EFR3A: variants seen among roughly 807,000 people sequenced by gnomAD.
The protein encoded by EFR3A is protein EFR3 homolog A.
In EFR3A, 76 loss-of-function variants were observed where a neutral mutation model predicts 104.4. The observed-to-expected ratio is 0.73, with a 90% CI of 0.60 to 0.88. EFR3A has a LOEUF of 0.88. Ranked by LOEUF, EFR3A falls within the 40% of genes least tolerant of loss-of-function variation. The pLI, the probability that EFR3A is intolerant of heterozygous loss-of-function variation, is 0.00. For synonymous variants in EFR3A, 330 were observed against 330.0 expected, an observed-to-expected ratio of 1.00 and a Z score of 0.00; for missense variants, 985 against 1,012.5, an observed-to-expected ratio of 0.97 and a Z score of 0.37.
chr8:131,968,519 A>G, intron 9 of EFR3A, 89 bp downstream of exon 9: 1 of 1,278,252 alleles, frequency 7.8e-7, no homozygotes, highest in Non-Finnish European at 1.0e-6. Context: ...AGAACTCTTT[A>G]AGAATATTTC....
At chr8:131,918,973 G>A (rs1005210382) in intron 1 of EFR3A, among the ~76,000 whole-genome samples, 3 of 152,182 alleles carry the variant, frequency 2.0e-5, no homozygotes, top group Non-Finnish European at 4.4e-5. Flanking sequence ...GTCATTGCCT[G>A]TGATAGATTC....
intron 1 of EFR3A, among the ~76,000 whole-genome samples, chr8:131,930,994 C>A (rs781070307): frequency 2.0e-5 from 3 of 152,098 alleles, no homozygotes; most frequent in African/African-American, 7.2e-5. Flanking sequence ...ATGCTAAATT[C>A]TCTACATCAT....
chr8:131,913,306 C>T (rs1816602921), intron 1 of EFR3A, among the ~76,000 whole-genome samples: 4 of 151,990 alleles, frequency 2.6e-5, no homozygotes, highest in South Asian at 4.2e-4. Context: ...TGAGGCAGCT[C>T]TCAAGTATAT....
chr8:131,968,215 A>G, intron 8 of EFR3A, 80 bp from the exon 9 acceptor site: 1 of 1,364,240 alleles, frequency 7.3e-7, no homozygotes. Context: ...TTTACGTGTC[A>G]GGTGTTTTTT....
At chr8:131,940,415 C>A in intron 1 of EFR3A, 84 bp from the exon 2 acceptor site, 1 of 1,253,616 alleles carries the variant, frequency 8.0e-7, no homozygotes, top group Non-Finnish European at 1.1e-6. Flanking sequence ...TTATATAGCC[C>A]ATTAATATTC....
intron 18 of EFR3A, among the ~76,000 whole-genome samples, chr8:131,991,200 C>T (rs1026741052): frequency 3.3e-5 from 5 of 152,224 alleles, no homozygotes; most frequent in Middle Eastern, 3.4e-3. Context: ...CCGATCAGAT[C>T]TCATGAGACT....
rs1158446261 is a variant in EFR3A at position 132,012,901 on chromosome 8, C to G, written c.*2006C>G. On this transcript the variant is annotated 3_prime_UTR_variant, in exon 23 of 23. Transcript: ENST00000254624. ...CCATTACAATTAATGTTTATCACAC[C>G]TTTATCTTGGTCTTTGTTGATTTGG... 1 of 152,030 alleles carries G rather than the reference C, an allele frequency of 6.6e-6. No homozygotes were observed. Among genetic ancestry groups the G allele is most frequent in the East Asian group, 1.9e-4 (1 of 5,196 alleles). The allele number at this position is 152,030 out of a possible 1,614,324, so 9.4% of individuals were successfully genotyped here.
intron 2 of EFR3A, 132 bp downstream of exon 2, chr8:131,940,707 A>G: frequency 1.5e-6 from 2 of 1,370,960 alleles, no homozygotes; most frequent in African/African-American, 1.5e-5. Flanking sequence ...TACTTTTTTT[A>G]TACTTTTCTT....
intron 3 of EFR3A, 94 bp downstream of exon 3, chr8:131,944,966 C>T (rs936951171): frequency 7.5e-7 from 1 of 1,333,834 alleles, no homozygotes; most frequent in South Asian, 1.4e-5. Flanking sequence ...TTTAGTGAGA[C>T]AAAGATAATA....
At position 131,970,550 on chromosome 8, in the gene EFR3A, T is replaced by G. The variant is rs914438405; in HGVS notation, c.1066T>G (p.Leu356Val). The G allele has an allele frequency of 1.9e-5, 31 of 1,613,764 alleles. No individual in the cohort carries two copies. Among genetic ancestry groups the G allele is most frequent in the Non-Finnish European group, 2.6e-5 (31 of 1,179,828 alleles). ...RLSVEFEAND[L>V]QGGSVGSVNL... ...CAGCGTTGAATTCGAAGCAAATGATTTACAGGGGGGATCTGTAGGCAGTGT... is the reference window on the plus strand; with the variant it reads ...CAGCGTTGAATTCGAAGCAAATGATGTACAGGGGGGATCTGTAGGCAGTGT... Residue 356 changes from leucine to valine, a missense_variant, in exon 10 of 23, where the codon TTA becomes GTA. Coordinates refer to ENST00000254624, the MANE Select transcript of EFR3A (RefSeq NM_015137.6).
intron 8 of EFR3A, among the ~76,000 whole-genome samples, chr8:131,967,666 T>C (rs1476407623): frequency 6.6e-6 from 1 of 152,168 alleles, no homozygotes; most frequent in African/African-American, 2.4e-5. Context: ...TTCACTATGG[T>C]TGATCAATTT....
At chr8:131,922,465 T>TA (rs895526399) in intron 1 of EFR3A, among the ~76,000 whole-genome samples, 5 of 151,512 alleles carry the variant, frequency 3.3e-5, no homozygotes, top group Non-Finnish European at 7.4e-5. Context: ...ACCCTTAAAT[T>TA]AAAAAAAAAT....
chr8:131,919,393 A>G (rs1334821705), intron 1 of EFR3A, among the ~76,000 whole-genome samples: 3 of 151,976 alleles, frequency 2.0e-5, no homozygotes, highest in Non-Finnish European at 4.4e-5. Flanking sequence ...GTCAGGAAAC[A>G]GAGACCATCC....
chr8:131,947,953 A>C (rs1444351326), intron 4 of EFR3A, among the ~76,000 whole-genome samples: 2 of 152,006 alleles, frequency 1.3e-5, no homozygotes, highest in African/African-American at 4.8e-5. Context: ...TGTCCCTTAA[A>C]ATAAGTTTGG....
intron 19 of EFR3A, among the ~76,000 whole-genome samples, chr8:132,000,199 G>T (rs1451419252): frequency 6.6e-6 from 1 of 152,106 alleles, no homozygotes; most frequent in Non-Finnish European, 1.5e-5. Context: ...CGCGATTTCG[G>T]CTCACTGCAA....
rs549947021 is a variant in EFR3A at position 131,948,862 on chromosome 8, G to A, written c.367-1107G>A. ...TGCCTTATGTTGTCAAACATGACCA[G>A]TGCTAATTTAAAATTTATTAATGGT... On this transcript the variant is annotated intron_variant, in intron 4 of 22. Transcript: ENST00000254624. Among the ~76,000 whole-genome samples the A allele has an allele frequency of 1.8e-3, 279 of 152,180 alleles. 2 individuals are homozygous for A. The highest frequency in any genetic ancestry group is 6.5e-3 in the African/African-American group (271 of 41,538).
In EFR3A at chr8:131,966,217, A is replaced by T. The variant is rs1819722324; in HGVS notation, c.856-2078A>T. ...CTAAAACTTAAAGTTTAATAAAAAA[A>T]TAAATAAATAAAAAGCAACAAAAAA... On this transcript the variant is annotated intron_variant, in intron 8 of 22. Coordinates refer to ENST00000254624, the MANE Select transcript of EFR3A (RefSeq NM_015137.6). Among the ~76,000 whole-genome samples, 4 of 152,258 alleles carry T rather than the reference A, an allele frequency of 2.6e-5. No individual in the cohort carries two copies. The South Asian group carries it at 8.3e-4, about 32-fold the overall frequency.
chr8:132,003,439 CT>C (rs1821888739), intron 22 of EFR3A, among the ~76,000 whole-genome samples, 154 bp downstream of exon 22: 1 of 152,146 alleles, frequency 6.6e-6, no homozygotes, highest in Non-Finnish European at 1.5e-5. Flanking sequence ...TGATCCTTTG[CT>C]TAATAGTGAT....
At chr8:131,911,891 G>T (rs560678849) in intron 1 of EFR3A, among the ~76,000 whole-genome samples, 1 of 152,214 alleles carries the variant, frequency 6.6e-6, no homozygotes, top group Non-Finnish European at 1.5e-5. Flanking sequence ...GTGACCCACA[G>T]TCAAACAAGG....
Sources: gnomAD v4.1 joint callset for allele counts (sites outside exome capture counted in the v4.1 genomes callset) on GRCh38, gnomAD v4.1.1 for gene constraint, MANE v1.5 for transcripts, NCBI Gene and HGNC (gene_info 2026-07-23, HGNC 2026-07-21) for gene names.